Variants in CSMD1 observed in about 807,000 individuals in gnomAD.
CSMD1 encodes the protein CUB and Sushi multiple domains 1.
CSMD1 carries 213 observed loss-of-function variants against 417.5 expected under a neutral mutation model. The observed-to-expected ratio is 0.51, with a 90% CI of 0.46 to 0.57. The LOEUF is 0.57. CSMD1 is among the 20% of genes least tolerant of loss of function. CSMD1 has a pLI of 0.00. For synonymous variants in CSMD1, 2,862 were observed against 1,736.8 expected (o/e 1.65, Z -16.11); for missense variants, 6,923 against 4,529.7 (o/e 1.53, Z -15.17).
In CSMD1 at chr8:3,794,769, C is replaced by T. The variant is rs1221314984; in HGVS notation, c.819-40727G>A. ...TCCAGGTCAAGACTGTACTCTGAAA[C>T]AAAATAACACATCTCTAAAGTGACA... On this transcript the variant is annotated intron_variant, in intron 5 of 69. Transcript: ENST00000635120. 2.0e-5 allele frequency among the ~76,000 whole-genome samples: 3 copies of T among 151,934 alleles called. 1 individual carries two copies. The highest frequency in any genetic ancestry group is 4.4e-5 in the Non-Finnish European group (3 of 67,984).
intron 12 of CSMD1, among the ~76,000 whole-genome samples, chr8:3,455,418 C>G (rs933335651): frequency 6.6e-6 from 1 of 152,204 alleles, no homozygotes; most frequent in African/African-American, 2.4e-5. Context: ...TTTTTCTGCT[C>G]TGTTTTTTCC....
intron 5 of CSMD1, among the ~76,000 whole-genome samples, chr8:3,978,845 C>T (rs1199816804): frequency 1.3e-5 from 2 of 152,116 alleles, no homozygotes; most frequent in Non-Finnish European, 2.9e-5. Context: ...CTCTTGATCC[C>T]TTCCCAGCGC....
rs540292340 is a variant in CSMD1 at position 4,336,538 on chromosome 8, A to G, written c.415+83415T>C. Among the ~76,000 whole-genome samples, 4 of 152,266 alleles carry G rather than the reference A, an allele frequency of 2.6e-5. No individual in the cohort carries two copies. The East Asian group carries it at 7.8e-4, about 30-fold the overall frequency. Reference sequence around the variant, plus strand: ...GCCAATAACGTGTTCGATGAATGTCATGCTGCTTGTTTTCTAGATGGTTTC... The same window carrying G: ...GCCAATAACGTGTTCGATGAATGTCGTGCTGCTTGTTTTCTAGATGGTTTC... On this transcript the variant is annotated intron_variant, in intron 3 of 69. Transcript: ENST00000635120.
chr8:4,297,824 T>C (rs1318012347), intron 3 of CSMD1, among the ~76,000 whole-genome samples: 3 of 152,200 alleles, frequency 2.0e-5, no homozygotes, highest in African/African-American at 7.2e-5. Flanking sequence ...TAAATTTGAT[T>C]TCTGAATATG....
At position 3,458,969 on chromosome 8, in the gene CSMD1, T is replaced by A. The variant is rs115552813; in HGVS notation, c.1561+9743A>T. Reference sequence around the variant, plus strand: ...CCCAGTGAGCTGTCCAGGAGAGAGGTGCAGCTCTCAAGCTGGGCCTTGGGG... The same window carrying A: ...CCCAGTGAGCTGTCCAGGAGAGAGGAGCAGCTCTCAAGCTGGGCCTTGGGG... On this transcript the variant is annotated intron_variant, in intron 12 of 69. Transcript: ENST00000635120. Among the ~76,000 whole-genome samples, 1,277 of 152,140 alleles carry A rather than the reference T, an allele frequency of 8.4e-3. 17 individuals are homozygous for A. Among genetic ancestry groups the A allele is most frequent in the African/African-American group, 0.029 (1,208 of 41,486 alleles).
chr8:3,145,666 T>C (rs558339023), intron 40 of CSMD1, among the ~76,000 whole-genome samples: 47 of 152,350 alleles, frequency 3.1e-4, no homozygotes, highest in African/African-American at 1.1e-3. Context: ...AATAGAATTA[T>C]CTAGCTATCT....
At chr8:3,621,646 G>A (rs746263788) in intron 7 of CSMD1, among the ~76,000 whole-genome samples, 2 of 151,716 alleles carry the variant, frequency 1.3e-5, no homozygotes, top group Non-Finnish European at 2.9e-5. Flanking sequence ...AGGCTGCAGT[G>A]CAGTGGCATA....
intron 12 of CSMD1, among the ~76,000 whole-genome samples, chr8:3,438,273 C>T (rs983647431): frequency 1.3e-5 from 2 of 152,212 alleles, no homozygotes; most frequent in Admixed American, 1.3e-4. Flanking sequence ...CTTGTGTAAC[C>T]TTCGTGCAGC....
rs1362300456 is a variant in CSMD1 at position 3,029,301 on chromosome 8, G to A, written c.7855+18C>T. ...CTAGGATGCCGTGACTTTCAGGGGT[G>A]CCTCCCTCATCACTTACCTCGACAG... On this transcript the variant is annotated intron_variant, in intron 51 of 69. Transcript: ENST00000635120. 3.2e-6 allele frequency: 5 copies of A among 1,573,920 alleles called. No homozygotes were observed. The highest frequency in any genetic ancestry group is 3.5e-5 in the Admixed American group (2 of 56,714).
chr8:3,123,637 G>A (rs552291470), intron 41 of CSMD1, among the ~76,000 whole-genome samples: 1 of 152,114 alleles, frequency 6.6e-6, no homozygotes, highest in Admixed American at 6.5e-5. Context: ...GCTGATTGCT[G>A]GTTTCTAGAG....
At chr8:4,022,502 C>A (rs914481709) in intron 4 of CSMD1, among the ~76,000 whole-genome samples, 1 of 152,144 alleles carries the variant, frequency 6.6e-6, no homozygotes, top group Non-Finnish European at 1.5e-5. Context: ...TCCGAAGCAA[C>A]ATTTGGTAGA....
At chr8:3,679,402 G>T (rs893410221) in intron 7 of CSMD1, among the ~76,000 whole-genome samples, 10 of 151,942 alleles carry the variant, frequency 6.6e-5, no homozygotes, top group African/African-American at 2.2e-4. Flanking sequence ...CTGATAAAAG[G>T]GACTTTAAAC....
intron 26 of CSMD1, among the ~76,000 whole-genome samples, chr8:3,275,573 A>C: frequency 6.6e-6 from 1 of 152,098 alleles, no homozygotes; most frequent in East Asian, 1.9e-4. Flanking sequence ...CGACAATCAG[A>C]CGTAGATTCA....
At chr8:4,277,492 C>T (rs1431208254) in intron 3 of CSMD1, among the ~76,000 whole-genome samples, 1 of 152,132 alleles carries the variant, frequency 6.6e-6, no homozygotes, top group Non-Finnish European at 1.5e-5. Context: ...AAAGCATATT[C>T]TCATTGTTTC....
intron 49 of CSMD1, among the ~76,000 whole-genome samples, chr8:3,076,925 GCTT>G (rs1813725228): frequency 6.6e-6 from 1 of 152,126 alleles, no homozygotes; most frequent in Admixed American, 6.5e-5. Flanking sequence ...AGGAGACTGG[GCTT>G]CTGGCATACT....
At chr8:4,202,994 C>T (rs1055321640) in intron 3 of CSMD1, among the ~76,000 whole-genome samples, 6 of 152,106 alleles carry the variant, frequency 3.9e-5, no homozygotes, top group African/African-American at 1.4e-4. Flanking sequence ...ATGTCTGCAT[C>T]GTAATTCCCA....
chr8:3,336,020 T>G (rs1000232333), intron 23 of CSMD1, among the ~76,000 whole-genome samples: 1 of 152,106 alleles, frequency 6.6e-6, no homozygotes, highest in Admixed American at 6.5e-5. Flanking sequence ...CTAGAAAACA[T>G]TTCTCCCATA....
At chr8:3,533,845 G>C (rs574128844) in intron 10 of CSMD1, among the ~76,000 whole-genome samples, 3 of 152,292 alleles carry the variant, frequency 2.0e-5, no homozygotes, top group Admixed American at 2.0e-4. Context: ...TGTACAGTTA[G>C]AGATCTTAGT....
chr8:4,900,161 AC>A (rs1434260292), intron 1 of CSMD1, among the ~76,000 whole-genome samples: 1 of 151,960 alleles, frequency 6.6e-6, no homozygotes, highest in African/African-American at 2.4e-5. Context: ...TTAAAGACAT[AC>A]CTCACCACAT....
Sources: gnomAD v4.1 joint callset for allele counts (sites outside exome capture counted in the v4.1 genomes callset) on GRCh38, gnomAD v4.1.1 for gene constraint, MANE v1.5 for transcripts, NCBI Gene and HGNC (gene_info 2026-07-23, HGNC 2026-07-21) for gene names.